The following BRD2 variants were observed in gnomAD, a reference collection of about 807,000 sequenced individuals.
BRD2 encodes bromodomain-containing protein 2.
BRD2 carries 15 observed loss-of-function variants against 79.1 expected under a neutral mutation model. The observed-to-expected ratio is 0.19, with a 90% CI of 0.13 to 0.29. BRD2 has a LOEUF of 0.29. Ranked by LOEUF, BRD2 falls within the 10% of genes least tolerant of loss-of-function variation. BRD2 has a pLI of 1.00. For synonymous variants in BRD2, 488 were observed against 358.6 expected (o/e 1.36, Z -4.08); for missense variants, 1,053 against 991.3 (o/e 1.06, Z -0.84).
At chr6:32,980,539 G>A in intron 12 of BRD2, 43 bp from the exon 13 acceptor site, 1 of 1,612,446 alleles carries the variant, frequency 6.2e-7, no homozygotes, top group South Asian at 1.1e-5. Context: ...GACAAATGAA[G>A]ATTCAGACTT....
At chr6:32,975,642 T>C in intron 4 of BRD2, 121 bp downstream of exon 4, 1 of 1,291,996 alleles carries the variant, frequency 7.7e-7, no homozygotes, top group Non-Finnish European at 1.1e-6. Context: ...CCAGGTAGGG[T>C]AGTCGGAGTC....
rs370495461 is a variant in BRD2 at position 32,976,019 on chromosome 6, G to A, written c.472-12G>A. 6.3e-7 allele frequency: 1 copy of A among 1,589,130 alleles called. No individual in the cohort carries two copies. Among genetic ancestry groups the A allele is most frequent in the Non-Finnish European group, 8.5e-7 (1 of 1,172,058 alleles). ...TTTTTAACTTTCTTTATTGCTGTCT[G>A]TGTTCTCATAGCCCACTGATGATAT... On this transcript the variant is annotated splice_polypyrimidine_tract_variant and intron_variant, in intron 4 of 12. Coordinates refer to ENST00000374825, the MANE Select transcript of BRD2 (RefSeq NM_005104.4).
chr6:32,971,547 G>C, intron 1 of BRD2, 48 bp from the exon 2 acceptor site: 2 of 455,886 alleles, frequency 4.4e-6, no homozygotes, highest in Non-Finnish European at 7.7e-6. Flanking sequence ...GTTCGCCATA[G>C]AGGAGCAGGC....
At chr6:32,978,603 G>C in intron 10 of BRD2, 2 of 720,984 alleles carry the variant, frequency 2.8e-6, no homozygotes, top group Non-Finnish European at 4.4e-6. Flanking sequence ...GGATGAAACT[G>C]TTCCACCTCA....
At chr6:32,979,758 T>C in intron 10 of BRD2, 70 bp from the exon 11 acceptor site, 1 of 1,515,510 alleles carries the variant, frequency 6.6e-7, no homozygotes, top group Non-Finnish European at 8.9e-7. Context: ...GATCACTGAA[T>C]TATAACAGTG....
chr6:32,976,513 G>GT (rs780341772), intron 6 of BRD2, 49 bp downstream of exon 6: 29 of 1,598,066 alleles, frequency 1.8e-5, no homozygotes, highest in Non-Finnish European at 2.5e-5. Context: ...AGGGTCTTAA[G>GT]TAAAGTGGGC....
In BRD2 at chr6:32,974,501, C is replaced by T. The variant is rs757917123; in HGVS notation, c.69C>T (p.Gly23=). ...GGAATGCAGGGTTGCTGGGGCTGGG[C>T]CCAGAAGCAGCAGCACCAGGGAAGA... ...GEGNAGLLGL[G]PEAAAPGKRI... Residue 23 remains glycine, a synonymous_variant, in exon 3 of 13, where the codon GGC becomes GGT. Transcript: ENST00000374825. The T allele has an allele frequency of 9.3e-6, 15 of 1,613,576 alleles. No individual in the cohort carries two copies. The highest frequency in any genetic ancestry group is 4.5e-5 in the East Asian group (2 of 44,868).
intron 2 of BRD2, 113 bp downstream of exon 2, chr6:32,973,040 C>G (rs780688150): frequency 1.2e-6 from 2 of 1,609,806 alleles, no homozygotes; most frequent in Non-Finnish European, 1.7e-6. Flanking sequence ...TGTTGCGGCG[C>G]AGCTGTCGAC....
intron 10 of BRD2, 104 bp downstream of exon 10, chr6:32,978,492 C>G: frequency 1.3e-6 from 2 of 1,520,482 alleles, no homozygotes; most frequent in South Asian, 2.6e-5. Flanking sequence ...TTAACAGATA[C>G]AATAGGCTTT....
At chr6:32,974,945 G>C (rs904161184) in intron 3 of BRD2, 180 bp downstream of exon 3, 2 of 1,421,208 alleles carry the variant, frequency 1.4e-6, no homozygotes, top group African/African-American at 1.4e-5. Flanking sequence ...ACCGCTTGCT[G>C]TAACTATCTT....
rs1429298166 is a variant in BRD2, at chr6:32,972,891, C to G, written c.-8C>G. 3 of 1,614,006 alleles carry G rather than the reference C, an allele frequency of 1.9e-6. No homozygotes were observed. The highest frequency in any genetic ancestry group is 2.5e-6 in the Non-Finnish European group (3 of 1,179,970). The stretch of plus-strand genomic sequence containing the variant: ...GGCTGAGGGCAGCGCCGGTTCCTTG[C>G]GGTCAAGATGCTGCAAAACGTGACT... On this transcript the variant is annotated 5_prime_UTR_variant, in exon 2 of 13. Coordinates refer to ENST00000374825, the MANE Select transcript of BRD2 (RefSeq NM_005104.4).
chr6:32,974,479 A>G lies in BRD2; in HGVS notation c.47A>G (p.Asn16Ser). The G allele has an allele frequency of 6.2e-7, 1 of 1,611,982 alleles. No homozygotes were observed. Among genetic ancestry groups the G allele is most frequent in the Non-Finnish European group, 8.5e-7 (1 of 1,178,132 alleles). The change falls in exon 3 of 13, where the codon AAT becomes AGT. Residue 16 changes from asparagine to serine, a missense_variant. Transcript: ENST00000374825. ...CTTTACAGGCTCCCTGGGGAAGGGA[A>G]TGCAGGGTTGCTGGGGCTGGGCCCA... Reference protein sequence around the residue: ...TPHNKLPGEGNAGLLGLGPEA... With the variant: ...TPHNKLPGEGSAGLLGLGPEA...
chr6:32,972,870 G>A lies in BRD2; in HGVS notation c.-29G>A, dbSNP rs1411196904. On this transcript the variant is annotated 5_prime_UTR_variant, in exon 2 of 13. It removes the in-frame stop codon of an upstream open reading frame in the 5' UTR. Transcript: ENST00000374825. Reference sequence around the variant, plus strand: ...GAGGCCACCCGGACTTTCCGCGGCTGAGGGCAGCGCCGGTTCCTTGCGGTC... The same window carrying A: ...GAGGCCACCCGGACTTTCCGCGGCTAAGGGCAGCGCCGGTTCCTTGCGGTC... The A allele has an allele frequency of 6.2e-7, 1 of 1,613,906 alleles. No homozygotes were observed. Among genetic ancestry groups the A allele is most frequent in the African/African-American group, 1.3e-5 (1 of 74,938 alleles).
At chr6:32,975,910 C>A in intron 4 of BRD2, 121 bp from the exon 5 acceptor site, 1 of 1,162,432 alleles carries the variant, frequency 8.6e-7, no homozygotes, top group Admixed American at 2.9e-5. Flanking sequence ...GATTTGATGA[C>A]AAGATGACTG....
intron 4 of BRD2, 95 bp downstream of exon 4, chr6:32,975,616 C>T (rs1778636830): frequency 4.7e-6 from 7 of 1,482,068 alleles, no homozygotes; most frequent in Admixed American, 1.8e-5. Flanking sequence ...AAATCCTTTG[C>T]TACTGAAGGT....
chr6:32,980,485 C>T (rs756438476), intron 12 of BRD2, 21 bp downstream of exon 12: 2 of 1,612,802 alleles, frequency 1.2e-6, no homozygotes. Flanking sequence ...ACTTTCATGC[C>T]ACTACAGATT....
chr6:32,977,038 T>G, intron 7 of BRD2, 102 bp downstream of exon 7: 6 of 1,432,868 alleles, frequency 4.2e-6, no homozygotes, highest in Non-Finnish European at 5.6e-6. Flanking sequence ...CTTTGGTTCT[T>G]GGCATTTTAC....
At chr6:32,978,633 T>C in intron 10 of BRD2, 1 of 619,706 alleles carries the variant, frequency 1.6e-6, no homozygotes, top group Admixed American at 3.1e-5. Flanking sequence ...GCCATTGGAT[T>C]CCCATAAGGA....
chr6:32,972,141 G>A lies in BRD2; in HGVS notation c.-758G>A, dbSNP rs1274146411. The A allele has an allele frequency of 4.6e-6, 3 of 654,994 alleles. No individual in the cohort carries two copies. The highest frequency in any genetic ancestry group is 5.6e-6 in the Non-Finnish European group (2 of 359,614). The allele number at this position is 654,994 out of a possible 1,614,324, so 40.6% of individuals were successfully genotyped here. A position where few individuals can be genotyped will look rare whatever the true frequency, so the allele number is the denominator to read the frequency against. On this transcript the variant is annotated 5_prime_UTR_variant, in exon 2 of 13. Transcript: ENST00000374825. ...AGCTCAAGCAGGGTGGCGCGCATGA[G>A]CGGCGAAGCTCCTCCTCCCCGCCTA... is the stretch of plus-strand genomic sequence containing the variant.
Sources: allele counts gnomAD v4.1 joint callset, GRCh38; gene constraint gnomAD v4.1.1; transcripts MANE v1.5; gene names NCBI Gene and HGNC (gene_info 2026-07-23, HGNC 2026-07-21).